Variants in FCHSD2 observed in about 807,000 individuals in gnomAD.
The protein encoded by FCHSD2 is F-BAR and double SH3 domains protein 2.
A neutral mutation model predicts 108.1 loss-of-function variants in FCHSD2; 38 were observed. The ratio of observed to expected loss-of-function variants is 0.35; its 90% CI spans 0.27 to 0.46. FCHSD2 has a LOEUF of 0.46. Among genes scored for constraint, FCHSD2 ranks in the 20% least tolerant of loss-of-function variants. FCHSD2 has a pLI of 1.00. For synonymous variants in FCHSD2, 279 were observed against 314.7 expected (o/e 0.89, Z 1.20); for missense variants, 751 against 897.8 (o/e 0.84, Z 2.09).
At chr11:72,876,262 T>TGAGGC (rs1227658513) in intron 12 of FCHSD2, among the ~76,000 whole-genome samples, 1 of 152,124 alleles carries the variant, frequency 6.6e-6, no homozygotes, top group Non-Finnish European at 1.5e-5. Context: ...GCCACGAGGT[T>TGAGGC]GAGGCTGCAG....
chr11:72,978,009 T>C (rs1471213378), intron 8 of FCHSD2, among the ~76,000 whole-genome samples: 1 of 152,120 alleles, frequency 6.6e-6, no homozygotes, highest in Non-Finnish European at 1.5e-5. Context: ...ATGTCCTTTG[T>C]AGGGACATGG....
At chr11:73,077,675 A>G in intron 3 of FCHSD2, 4 of 410,142 alleles carry the variant, frequency 9.8e-6, no homozygotes, top group South Asian at 7.1e-5. Flanking sequence ...GGAATACTAC[A>G]CAGCAATAAA....
At chr11:73,020,652 G>T (rs1173350498) in intron 3 of FCHSD2, among the ~76,000 whole-genome samples, 1 of 151,244 alleles carries the variant, frequency 6.6e-6, no homozygotes, top group Non-Finnish European at 1.5e-5. Flanking sequence ...GTTCTGTGTG[G>T]TATATGATTA....
chr11:72,879,953 C>T (rs1280424490), intron 12 of FCHSD2, among the ~76,000 whole-genome samples: 4 of 143,626 alleles, frequency 2.8e-5, no homozygotes, highest in East Asian at 4.2e-4. Context: ...GAGCCGAGAT[C>T]GCGCCATCGC....
At chr11:73,112,735 G>A (rs1217077201) in intron 2 of FCHSD2, among the ~76,000 whole-genome samples, 3 of 152,150 alleles carry the variant, frequency 2.0e-5, no homozygotes, top group African/African-American at 7.2e-5. Context: ...TACAACCTCT[G>A]CCTCCCAAGT....
At chr11:72,849,013 A>G (rs1861217822) in intron 14 of FCHSD2, among the ~76,000 whole-genome samples, 1 of 152,216 alleles carries the variant, frequency 6.6e-6, no homozygotes, top group Admixed American at 6.5e-5. Context: ...TAAACTCAAA[A>G]CAAGTCTGGG....
At chr11:72,909,209 G>C (rs183686924) in intron 9 of FCHSD2, among the ~76,000 whole-genome samples, 1 of 151,956 alleles carries the variant, frequency 6.6e-6, no homozygotes, top group Non-Finnish European at 1.5e-5. Flanking sequence ...ACTGGTTTTT[G>C]TATTTTTGGT....
chr11:73,141,931 G>A lies in FCHSD2; in HGVS notation c.-54C>T, dbSNP rs1412090614. On this transcript the variant is annotated 5_prime_UTR_variant, in exon 1 of 20. Coordinates refer to ENST00000409418, the MANE Select transcript of FCHSD2 (RefSeq NM_014824.3). ...ACGGCAGCGTTAGCAAGGACCAGGA[G>A]GAGGAGGAGGGCCGGAGAGGAGGGG... 10 of 1,451,646 alleles carry A rather than the reference G, an allele frequency of 6.9e-6. No individual in the cohort carries two copies. Among genetic ancestry groups the A allele is most frequent in the Admixed American group, 6.4e-5 (3 of 47,218 alleles). The allele number at this position is 1,451,646 out of a possible 1,614,324, so 89.9% of individuals were successfully genotyped here.
chr11:72,973,094 C>T (rs944423504), intron 8 of FCHSD2, among the ~76,000 whole-genome samples: 10 of 151,940 alleles, frequency 6.6e-5, no homozygotes, highest in African/African-American at 1.9e-4. Flanking sequence ...TATGGCCGGG[C>T]GCGGTGGCTC....
chr11:72,999,291 A>G (rs185058316), intron 5 of FCHSD2, among the ~76,000 whole-genome samples: 5 of 146,668 alleles, frequency 3.4e-5, no homozygotes, highest in African/African-American at 1.0e-4. Flanking sequence ...AGACATGAGC[A>G]TTTGTTGAAT....
chr11:72,945,488 G>C (rs1433768422), intron 8 of FCHSD2, among the ~76,000 whole-genome samples: 1 of 152,102 alleles, frequency 6.6e-6, no homozygotes, highest in Non-Finnish European at 1.5e-5. Context: ...CATAGGCATG[G>C]GCAAGGACTT....
intron 6 of FCHSD2, among the ~76,000 whole-genome samples, chr11:72,986,352 G>A (rs2135401555): frequency 6.6e-6 from 1 of 152,178 alleles, no homozygotes; most frequent in South Asian, 2.1e-4. Flanking sequence ...TGGGACTACA[G>A]GCGCCTGCCA....
At chr11:72,910,698 G>T (rs953035343) in intron 9 of FCHSD2, among the ~76,000 whole-genome samples, 9 of 152,110 alleles carry the variant, frequency 5.9e-5, no homozygotes, top group Middle Eastern at 3.4e-3. Flanking sequence ...GAAGGCTGCA[G>T]GGACCACTGC....
intron 3 of FCHSD2, among the ~76,000 whole-genome samples, chr11:73,070,217 T>G (rs1591530093): frequency 6.6e-6 from 1 of 152,190 alleles, no homozygotes; most frequent in African/African-American, 2.4e-5. Context: ...TCCCTATAAG[T>G]GTAGTCTATT....
At chr11:72,887,981 G>A (rs1011505213) in intron 11 of FCHSD2, among the ~76,000 whole-genome samples, 2 of 152,234 alleles carry the variant, frequency 1.3e-5, no homozygotes, top group African/African-American at 2.4e-5. Flanking sequence ...AAAAGAAGAT[G>A]TCAAAACAGG....
chr11:73,066,146 A>G (rs1270706595), intron 3 of FCHSD2, among the ~76,000 whole-genome samples: 2 of 152,232 alleles, frequency 1.3e-5, no homozygotes, highest in Middle Eastern at 3.2e-3. Flanking sequence ...GTACCAAAAC[A>G]GATACATAGA....
chr11:73,051,864 TATAAACAC>T (rs1858905388), intron 3 of FCHSD2, among the ~76,000 whole-genome samples: 1 of 114,832 alleles, frequency 8.7e-6, no homozygotes, highest in Non-Finnish European at 1.8e-5. Context: ...TAACACGGTA[TATAAACAC>T]ACACACACAC....
chr11:72,900,180 A>G (rs1212481273), intron 10 of FCHSD2: 1 of 1,037,162 alleles, frequency 9.6e-7, no homozygotes, highest in East Asian at 2.6e-5. Context: ...TTTCATCCCA[A>G]CACCAGGTCC....
intron 9 of FCHSD2, among the ~76,000 whole-genome samples, chr11:72,921,051 A>T (rs1855967714): frequency 6.6e-6 from 1 of 151,952 alleles, no homozygotes; most frequent in Non-Finnish European, 1.5e-5. Flanking sequence ...TAAAAGTATT[A>T]GCCAGTTCTC....
Sources: allele counts gnomAD v4.1 joint callset (sites outside exome capture counted in the v4.1 genomes callset), GRCh38; gene constraint gnomAD v4.1.1; transcripts MANE v1.5; gene names NCBI Gene and HGNC (gene_info 2026-07-23, HGNC 2026-07-21).